Variants in THSD7A observed in about 807,000 individuals in gnomAD.
The protein encoded by THSD7A is thrombospondin type-1 domain-containing protein 7A.
THSD7A carries 96 observed loss-of-function variants against 231.3 expected under a neutral mutation model. The ratio of observed to expected loss-of-function variants is 0.41; its 90% CI spans 0.35 to 0.49. THSD7A has a LOEUF of 0.49. Ranked by LOEUF, THSD7A falls within the 20% of genes least tolerant of loss-of-function variation. THSD7A has a pLI of 0.05. For missense variants in THSD7A, 2,290 were observed against 2,070.2 expected, an observed-to-expected ratio of 1.11 and a Z score of -2.06; for synonymous variants, 940 against 743.3, an observed-to-expected ratio of 1.26 and a Z score of -4.30.
At chr7:11,586,007 A>G (rs1194335154) in intron 4 of THSD7A, among the ~76,000 whole-genome samples, 2 of 152,084 alleles carry the variant, frequency 1.3e-5, no homozygotes, top group Non-Finnish European at 2.9e-5. Context: ...ATTATTTTCC[A>G]GTGCTTTTTA....
intron 11 of THSD7A, among the ~76,000 whole-genome samples, chr7:11,449,935 G>C (rs1028437938): frequency 5.9e-5 from 9 of 152,194 alleles, no homozygotes; most frequent in Non-Finnish European, 1.0e-4. Context: ...AGAATCGTAA[G>C]CTGTGAAGAG....
At chr7:11,521,895 ATAGAGCATCT>A (rs991998036) in intron 6 of THSD7A, among the ~76,000 whole-genome samples, 9 of 152,090 alleles carry the variant, frequency 5.9e-5, no homozygotes, top group Non-Finnish European at 1.2e-4. Context: ...AAACAATTGT[ATAGAGCATCT>A]TAGAATATGT....
At chr7:11,640,569 G>A (rs1782041827) in intron 1 of THSD7A, among the ~76,000 whole-genome samples, 1 of 151,914 alleles carries the variant, frequency 6.6e-6, no homozygotes, top group Non-Finnish European at 1.5e-5. Context: ...CATATATTTT[G>A]GATAACTAAA....
At chr7:11,791,811 T>C (rs1489542017) in intron 1 of THSD7A, among the ~76,000 whole-genome samples, 1 of 151,952 alleles carries the variant, frequency 6.6e-6, no homozygotes, top group East Asian at 1.9e-4. Context: ...AACGGTGCGT[T>C]GCTCCATTTC....
intron 4 of THSD7A, among the ~76,000 whole-genome samples, chr7:11,556,193 T>A (rs1016784193): frequency 2.0e-5 from 3 of 151,738 alleles, no homozygotes; most frequent in Non-Finnish European, 3.0e-5. Flanking sequence ...TTTTGATTTA[T>A]CTACAGTGTT....
chr7:11,573,268 TCAGCC>T (rs1200052490), intron 4 of THSD7A, among the ~76,000 whole-genome samples: 1 of 152,200 alleles, frequency 6.6e-6, no homozygotes, highest in Non-Finnish European at 1.5e-5. Context: ...CCACATGTAT[TCAGCC>T]AAACTCTGGC....
chr7:11,655,786 A>T (rs1306610896), intron 1 of THSD7A, among the ~76,000 whole-genome samples: 1 of 151,934 alleles, frequency 6.6e-6, no homozygotes, highest in East Asian at 1.9e-4. Flanking sequence ...AAGTCATCTC[A>T]CACACATTCT....
chr7:11,389,810 G>A (rs1782911557), intron 23 of THSD7A, among the ~76,000 whole-genome samples: 2 of 152,142 alleles, frequency 1.3e-5, no homozygotes, highest in Non-Finnish European at 1.5e-5. Flanking sequence ...CAGGCCTGGT[G>A]GTGACAAAAT....
intron 1 of THSD7A, among the ~76,000 whole-genome samples, chr7:11,688,563 C>A (rs1780134940): frequency 6.6e-6 from 1 of 151,786 alleles, no homozygotes; most frequent in Admixed American, 6.6e-5. Flanking sequence ...ACAGAGTGAC[C>A]TTTCTGAGAG....
At chr7:11,458,403 T>A (rs977135862) in intron 11 of THSD7A, among the ~76,000 whole-genome samples, 1 of 152,092 alleles carries the variant, frequency 6.6e-6, no homozygotes, top group Admixed American at 6.6e-5. Context: ...GAAAAAGCAG[T>A]CTTTCATCTA....
chr7:11,406,388 C>T lies in THSD7A; in HGVS notation c.4149G>A (p.Val1383=). The change falls in exon 22 of 28, where the codon GTG becomes GTA. Residue 1383 remains valine (V), a synonymous_variant. Coordinates refer to ENST00000423059, the MANE Select transcript of THSD7A (RefSeq NM_015204.3). This position sits in a 1 kb window ranked among gnomAD's most constrained non-coding sequence, Gnocchi z 4.7. ...DGSADDFSKV[V]DEEFCADIEL... is the part of the protein sequence containing the mutation. The stretch of plus-strand genomic sequence containing the variant: ...CAATGTCAGCACAGAATTCCTCATC[C>T]ACCACTTTGCTGAAATCATCAGCTG... 2 of 1,613,902 alleles carry T rather than the reference C, an allele frequency of 1.2e-6. No individual in the cohort carries two copies. The highest frequency in any genetic ancestry group is 1.7e-6 in the Non-Finnish European group (2 of 1,179,842).
At chr7:11,379,354 G>T in intron 25 of THSD7A, 74 bp from the exon 26 acceptor site, 1 of 1,462,192 alleles carries the variant, frequency 6.8e-7, no homozygotes, top group Non-Finnish European at 9.5e-7. Flanking sequence ...GACTTGAAGA[G>T]AAGGCTTTAA....
At chr7:11,652,075 G>T (rs1350906973) in intron 1 of THSD7A, among the ~76,000 whole-genome samples, 1 of 151,788 alleles carries the variant, frequency 6.6e-6, no homozygotes, top group Non-Finnish European at 1.5e-5. Context: ...CCCATACTCT[G>T]GTTAACAAAT....
chr7:11,808,570 TATC>T (rs1305439590), intron 1 of THSD7A, among the ~76,000 whole-genome samples: 4 of 152,220 alleles, frequency 2.6e-5, no homozygotes, highest in Non-Finnish European at 4.4e-5. Context: ...ATAGGTTTTC[TATC>T]ATATTTAAAA....
intron 6 of THSD7A, among the ~76,000 whole-genome samples, chr7:11,483,631 T>C (rs1345801594): frequency 1.3e-5 from 2 of 152,178 alleles, no homozygotes; most frequent in African/African-American, 4.8e-5. Flanking sequence ...ACACTTGACA[T>C]AATAATGATG....
chr7:11,509,393 A>G (rs898231308), intron 6 of THSD7A, among the ~76,000 whole-genome samples: 1 of 152,226 alleles, frequency 6.6e-6, no homozygotes, highest in East Asian at 1.9e-4. Context: ...AAATTGTTCC[A>G]GATTTAGCTA....
chr7:11,721,181 TG>T lies in THSD7A; in HGVS notation c.191-84221del, dbSNP rs545639659. Among the ~76,000 whole-genome samples, 3 of 151,978 alleles carry T rather than the reference TG, an allele frequency of 2.0e-5. No individual in the cohort carries two copies. In the South Asian group the frequency reaches 6.2e-4, roughly 32 times the overall value. ...CTAGTAATCTAGTCCTAAGGAATCCTGAATTGGGTCATGGCCCTGCATTCCC... is the reference window on the plus strand; with the variant it reads ...CTAGTAATCTAGTCCTAAGGAATCCTAATTGGGTCATGGCCCTGCATTCCC... On this transcript the variant is annotated intron_variant, in intron 1 of 27. Coordinates refer to ENST00000423059, the MANE Select transcript of THSD7A (RefSeq NM_015204.3).
intron 1 of THSD7A, among the ~76,000 whole-genome samples, chr7:11,737,222 G>A (rs976025221): frequency 3.9e-5 from 6 of 151,994 alleles, no homozygotes; most frequent in African/African-American, 1.4e-4. Context: ...TTATACACCT[G>A]AATACAAGAG....
intron 6 of THSD7A, among the ~76,000 whole-genome samples, chr7:11,530,572 A>T (rs1788662829): frequency 6.6e-6 from 1 of 152,172 alleles, no homozygotes; most frequent in African/African-American, 2.4e-5. Flanking sequence ...ACTGTAAATG[A>T]TTATATTCCA....
Sources: allele counts gnomAD v4.1 joint callset (sites outside exome capture counted in the v4.1 genomes callset), GRCh38; gene constraint gnomAD v4.1.1; non-coding constraint Gnocchi (gnomAD v3.1); transcripts MANE v1.5; gene names NCBI Gene and HGNC (gene_info 2026-07-23, HGNC 2026-07-21).